Variants in FBXL2 observed in about 807,000 individuals in gnomAD.
The protein encoded by FBXL2 is F-box/LRR-repeat protein 2.
In FBXL2, 38 loss-of-function variants were observed where a neutral mutation model predicts 69.2. That is an observed-to-expected ratio of 0.55 (90% CI 0.42 to 0.72). The LOEUF is 0.72. Among genes scored for constraint, FBXL2 ranks in the 30% least tolerant of loss-of-function variants. The pLI is 0.00. For synonymous variants in FBXL2, 192 were observed against 201.3 expected, an observed-to-expected ratio of 0.95 and a Z score of 0.39; for missense variants, 354 against 520.3, an observed-to-expected ratio of 0.68 and a Z score of 3.11.
At chr3:33,416,725 T>C in the FBXL2 span, 8 of 1,487,156 alleles carry the variant, frequency 5.4e-6, no homozygotes, top group South Asian at 2.4e-5. Flanking sequence ...ATCACAGCAA[T>C]ATCCATTGGG....
downstream of FBXL2, chr3:33,391,307 A>G (rs1309722837): frequency 6.6e-6 from 1 of 152,248 alleles, no homozygotes; most frequent in Non-Finnish European, 1.5e-5. Flanking sequence ...CCTGACTTTT[A>G]AAACAGTCTA....
intron 2 of FBXL2, among the ~76,000 whole-genome samples, chr3:33,319,721 T>C (rs565982315): frequency 6.6e-6 from 1 of 152,360 alleles, no homozygotes; most frequent in South Asian, 2.1e-4. Context: ...GAATAACTTT[T>C]ATTTTTTTAA....
chr3:33,379,665 C>A (rs2042892382), intron 13 of FBXL2, among the ~76,000 whole-genome samples: 2 of 145,652 alleles, frequency 1.4e-5, no homozygotes. Flanking sequence ...TTATCAAAAC[C>A]AAACAAAAAT....
chr3:33,395,625 A>G (rs989557756), intron 12 of FBXL2, among the ~76,000 whole-genome samples: 3 of 151,942 alleles, frequency 2.0e-5, no homozygotes, highest in Admixed American at 2.0e-4. Flanking sequence ...CGCGCCACAC[A>G]AGGTGCACAA....
intron 2 of FBXL2, among the ~76,000 whole-genome samples, chr3:33,341,835 A>G (rs1187474532): frequency 0.023 from 1,488 of 63,352 alleles, 39 homozygotes; most frequent in African/African-American, 0.14. Flanking sequence ...GTCTCAGGAA[A>G]AAAAAAAAAA....
Position 33,364,634 on chromosome 3 carries a change from G to A in FBXL2, c.205G>A (p.Val69Met), listed in dbSNP as rs751510388. The change falls in exon 5 of 15, where the codon GTG (valine) becomes ATG (methionine). Residue 69 changes from valine to methionine, a missense_variant. Physicochemically the swap from Val to Met is conservative, Grantham distance 21. Coordinates refer to ENST00000484457, the MANE Select transcript of FBXL2 (RefSeq NM_012157.5). Reference sequence around the variant, plus strand: ...ACTTTCTTGATTAAAGGGTCGAGTGGTGGAAAATATCTCGAAGCGATGCGG... The same window carrying A: ...ACTTTCTTGATTAAAGGGTCGAGTGATGGAAAATATCTCGAAGCGATGCGG... The part of the protein sequence containing the change: ...NFQTDVEGRV[V>M]ENISKRCGGF... 2 of 1,614,024 alleles carry A rather than the reference G, an allele frequency of 1.2e-6. No individual in the cohort carries two copies. Among genetic ancestry groups the A allele is most frequent in the South Asian group, 2.2e-5 (2 of 91,088 alleles).
At chr3:33,390,596 C>T (rs2043721362), downstream of FBXL2, 8 of 582,096 alleles carry the variant, frequency 1.4e-5, no homozygotes, top group South Asian at 1.4e-4. Flanking sequence ...ACTATCAACG[C>T]CCGCATTCCA....
intron 4 of FBXL2, among the ~76,000 whole-genome samples, chr3:33,363,225 C>G (rs113163810): frequency 0.014 from 2,113 of 152,134 alleles, 22 homozygotes; most frequent in South Asian, 0.026. Context: ...ATCTTTAGTA[C>G]AGAAAGGGTT....
At chr3:33,416,746 G>A in the FBXL2 span, 1 of 1,594,776 alleles carries the variant, frequency 6.3e-7, no homozygotes, top group Non-Finnish European at 8.6e-7. Flanking sequence ...AATTAAAATG[G>A]ACTGTCCTTA....
chr3:33,384,950 C>A (rs183931923), intron 14 of FBXL2, among the ~76,000 whole-genome samples: 6 of 152,246 alleles, frequency 3.9e-5, no homozygotes, highest in Admixed American at 6.5e-5. Context: ...ATCGCTTGAA[C>A]CCGGGAGGTG....
At chr3:33,380,853 T>C (rs189184844) in intron 13 of FBXL2, among the ~76,000 whole-genome samples, 77 of 152,284 alleles carry the variant, frequency 5.1e-4, no homozygotes, top group African/African-American at 1.7e-3. Context: ...CTGCCAGGGA[T>C]GAGTGACAGT....
At chr3:33,325,962 A>C (rs1242793245) in intron 2 of FBXL2, among the ~76,000 whole-genome samples, 1 of 152,186 alleles carries the variant, frequency 6.6e-6, no homozygotes, top group Admixed American at 6.5e-5. Context: ...AACCAAAGTG[A>C]GATTGTGCAT....
At chr3:33,377,479 G>T in intron 11 of FBXL2, 146 bp downstream of exon 11, 1 of 728,648 alleles carries the variant, frequency 1.4e-6, no homozygotes, top group South Asian at 1.7e-5. Flanking sequence ...GTGTACTGCA[G>T]TTTTTCCAGT....
chr3:33,381,373 G>C (rs1036911217), intron 13 of FBXL2, among the ~76,000 whole-genome samples: 18 of 152,174 alleles, frequency 1.2e-4, no homozygotes, highest in African/African-American at 4.1e-4. Flanking sequence ...GGCTGGGCAC[G>C]GTGGCTCACG....
rs67092664 is a variant in FBXL2, at chr3:33,340,895, CAAAAAAAAAAAAA to C, written c.66-18060_66-18048del. On this transcript the variant is annotated intron_variant, in intron 2 of 14. Coordinates refer to ENST00000484457, the MANE Select transcript of FBXL2 (RefSeq NM_012157.5). ...GGTGACCAAGTGAGATTCCTTTGCC[CAAAAAAAAAAAAA>C]AAAAAAAAAAAGAAGAGGAAGTATT... Among the ~76,000 whole-genome samples the C allele has an allele frequency of 8.1e-5, 7 of 86,570 alleles. No individual in the cohort carries two copies. In the East Asian group the frequency reaches 2.2e-3, roughly 28 times the overall value. 56.8% of individuals were successfully genotyped at this position (86,570 alleles called of 152,430 possible).
the FBXL2 span, among the ~76,000 whole-genome samples, chr3:33,413,354 T>C: frequency 4.0e-5 from 6 of 151,460 alleles, no homozygotes; most frequent in African/African-American, 1.5e-4. Flanking sequence ...GGGACCATCC[T>C]GGCTAACACG....
chr3:33,306,275 A>G (rs1219450085), intron 2 of FBXL2, among the ~76,000 whole-genome samples: 1 of 151,994 alleles, frequency 6.6e-6, no homozygotes, highest in African/African-American at 2.4e-5. Flanking sequence ...TTATCATAAA[A>G]TACAATATAT....
At position 33,373,705 on chromosome 3, in the gene FBXL2, G is replaced by A; in HGVS notation, c.582+1G>A. 1 of 1,614,174 alleles carries A rather than the reference G, an allele frequency of 6.2e-7. No individual in the cohort carries two copies. The highest frequency in any genetic ancestry group is 8.5e-7 in the Non-Finnish European group (1 of 1,180,034). ...CCTGCTCCTGAGGGGCTGCACACAG[G>A]TACCAGAGGGTTGATACAGCTGTTT... On this transcript the variant is annotated splice_donor_variant, in intron 8 of 14. Coordinates refer to ENST00000484457, the MANE Select transcript of FBXL2 (RefSeq NM_012157.5). LOFTEE classifies it high-confidence loss of function.
At chr3:33,390,714 G>C, downstream of FBXL2, 1 of 275,128 alleles carries the variant, frequency 3.6e-6, no homozygotes, top group Non-Finnish European at 7.0e-6. Flanking sequence ...GAAATATACT[G>C]TGTCAGGGCA....
Sources: gnomAD v4.1 joint callset for allele counts (sites outside exome capture counted in the v4.1 genomes callset) on GRCh38, gnomAD v4.1.1 for gene constraint, MANE v1.5 for transcripts, NCBI Gene and HGNC (gene_info 2026-07-23, HGNC 2026-07-21) for gene names.